CLSTN2: variants seen among roughly 807,000 people sequenced by gnomAD.
The protein encoded by CLSTN2 is calsyntenin-2.
A neutral mutation model predicts 101.2 loss-of-function variants in CLSTN2; 48 were observed. The observed-to-expected ratio is 0.47, with a 90% CI of 0.38 to 0.60. CLSTN2 has a LOEUF of 0.60. Ranked by LOEUF, CLSTN2 falls within the 20% of genes least tolerant of loss-of-function variation. The pLI is 0.00. For missense variants in CLSTN2, 1,160 were observed against 1,238.2 expected, an observed-to-expected ratio of 0.94 and a Z score of 0.95; for synonymous variants, 481 against 463.6, an observed-to-expected ratio of 1.04 and a Z score of -0.48.
chr3:140,195,013 G>A (rs1464053581), intron 2 of CLSTN2, among the ~76,000 whole-genome samples: 2 of 152,164 alleles, frequency 1.3e-5, no homozygotes, highest in African/African-American at 4.8e-5. Flanking sequence ...GCTGGCCATT[G>A]GGGATGAAAG....
At chr3:140,476,400 G>T (rs982509987) in intron 8 of CLSTN2, among the ~76,000 whole-genome samples, 2 of 152,210 alleles carry the variant, frequency 1.3e-5, no homozygotes, top group African/African-American at 4.8e-5. Context: ...GATTATGGAT[G>T]AAGAGTGGAA....
chr3:140,526,836 A>C (rs1029893475), intron 8 of CLSTN2, among the ~76,000 whole-genome samples: 1 of 152,202 alleles, frequency 6.6e-6, no homozygotes, highest in Non-Finnish European at 1.5e-5. Flanking sequence ...ACAATGGAAT[A>C]AGGACACTCT....
intron 8 of CLSTN2, among the ~76,000 whole-genome samples, chr3:140,473,184 A>G (rs369140227): frequency 6.6e-6 from 1 of 152,334 alleles, no homozygotes; most frequent in East Asian, 1.9e-4. Context: ...TGCCTGAGCC[A>G]TGCTCGTTCC....
intron 5 of CLSTN2, among the ~76,000 whole-genome samples, chr3:140,436,953 G>A (rs1222556601): frequency 6.6e-6 from 1 of 152,084 alleles, no homozygotes; most frequent in Non-Finnish European, 1.5e-5. Flanking sequence ...GTCTGTCTCT[G>A]GCCTGAGACT....
chr3:140,171,806 T>TAA (rs1370376551), intron 1 of CLSTN2, among the ~76,000 whole-genome samples: 3 of 91,518 alleles, frequency 3.3e-5, no homozygotes, highest in African/African-American at 2.1e-4. Context: ...ATAATATGTA[T>TAA]TATATATTAT....
rs118008738 is a variant in CLSTN2, at chr3:140,108,557, G to T, written c.110-67394G>T. ...AATTTTTTATTTGTTTTTGTTTTTT[G>T]TGTTTTTTATTAAAAAGAACCTTGG... is the stretch of plus-strand genomic sequence containing the variant. On this transcript the variant is annotated intron_variant, in intron 1 of 16. Transcript: ENST00000458420. 1.1e-3 allele frequency among the ~76,000 whole-genome samples: 171 copies of T among 151,974 alleles called. 1 individual carries two copies. The East Asian group carries it at 0.028, about 25-fold the overall frequency.
chr3:140,443,169 C>T (rs957996417), intron 5 of CLSTN2, among the ~76,000 whole-genome samples: 3 of 152,252 alleles, frequency 2.0e-5, no homozygotes, highest in African/African-American at 7.2e-5. Flanking sequence ...AATCCTGATG[C>T]TTCTCCAGCC....
intron 2 of CLSTN2, among the ~76,000 whole-genome samples, chr3:140,304,979 A>G (rs2087097393): frequency 6.6e-6 from 1 of 151,944 alleles, no homozygotes; most frequent in African/African-American, 2.4e-5. Flanking sequence ...TATGCATGAT[A>G]GTTTGCTTCT....
chr3:140,249,924 A>C (rs62266258), intron 2 of CLSTN2, among the ~76,000 whole-genome samples: 1,892 of 152,268 alleles, frequency 0.012, 13 homozygotes, highest in Non-Finnish European at 0.017. Flanking sequence ...CATCAACATT[A>C]ATGCAGCTCT....
chr3:140,215,282 T>C (rs1490751960), intron 2 of CLSTN2, among the ~76,000 whole-genome samples: 2 of 152,294 alleles, frequency 1.3e-5, no homozygotes, highest in East Asian at 3.9e-4. Flanking sequence ...TTCCCCTTAC[T>C]TGTGTTTTAT....
intron 2 of CLSTN2, among the ~76,000 whole-genome samples, chr3:140,233,178 C>A (rs2086385825): frequency 6.6e-6 from 1 of 152,166 alleles, no homozygotes; most frequent in Non-Finnish European, 1.5e-5. Context: ...TTCTCAGACT[C>A]AAGTCTCTGG....
In CLSTN2 at chr3:140,558,655, C is replaced by T. The variant is rs138834742; in HGVS notation, c.1839C>T (p.Asp613=). The T allele has an allele frequency of 3.6e-4, 574 of 1,613,436 alleles. No individual in the cohort carries two copies. The African/African-American group carries it at 5.6e-3, about 16-fold the overall frequency. The change falls in exon 12 of 17, where the codon GAC becomes GAT. Residue 613 remains aspartate, a synonymous_variant. Transcript: ENST00000458420. ...GTTTTCCCAGGTGCTTTGGGGAAGA[C>T]GTATGCATCAGTATCCCTGAGGTAG... ...VSSKVQCFGE[D]VCISIPEVDA... is the part of the protein sequence containing the mutation.
At chr3:140,433,793 G>A (rs1219421488) in intron 5 of CLSTN2, among the ~76,000 whole-genome samples, 2 of 152,226 alleles carry the variant, frequency 1.3e-5, no homozygotes. Flanking sequence ...GAAGGCAGAG[G>A]AGAGCAAGTA....
intron 2 of CLSTN2, among the ~76,000 whole-genome samples, chr3:140,212,525 C>T (rs1052264903): frequency 6.6e-5 from 10 of 152,304 alleles, no homozygotes; most frequent in African/African-American, 2.4e-4. Context: ...AGCCTCTCAG[C>T]CTTTAGCTAG....
intron 1 of CLSTN2, among the ~76,000 whole-genome samples, chr3:139,953,050 G>C (rs1935319969): frequency 6.6e-6 from 1 of 152,186 alleles, no homozygotes; most frequent in Admixed American, 6.5e-5. Flanking sequence ...AATGGTTGTT[G>C]AGTTAGGTGG....
intron 8 of CLSTN2, among the ~76,000 whole-genome samples, chr3:140,477,201 A>G (rs1934005820): frequency 6.6e-6 from 1 of 152,196 alleles, no homozygotes; most frequent in Non-Finnish European, 1.5e-5. Flanking sequence ...CTAAACATGC[A>G]AATATTGCTG....
intron 2 of CLSTN2, among the ~76,000 whole-genome samples, chr3:140,243,006 T>G: frequency 6.6e-6 from 1 of 152,348 alleles, no homozygotes; most frequent in East Asian, 1.9e-4. Context: ...TTGTTAAGCT[T>G]GAAATCTTGC....
intron 1 of CLSTN2, among the ~76,000 whole-genome samples, chr3:140,036,335 A>G (rs1170649978): frequency 6.6e-6 from 1 of 152,152 alleles, no homozygotes; most frequent in Non-Finnish European, 1.5e-5. Context: ...CCAAATCCAT[A>G]TAGTGATTTA....
At chr3:140,121,363 A>G (rs2009338027) in intron 1 of CLSTN2, among the ~76,000 whole-genome samples, 2 of 152,124 alleles carry the variant, frequency 1.3e-5, no homozygotes, top group South Asian at 4.1e-4. Context: ...GTCAAATTCA[A>G]CCAGAAGCAA....
Sources: gnomAD v4.1 joint callset for allele counts (sites outside exome capture counted in the v4.1 genomes callset) on GRCh38, gnomAD v4.1.1 for gene constraint, MANE v1.5 for transcripts, NCBI Gene and HGNC (gene_info 2026-07-23, HGNC 2026-07-21) for gene names.